Variants in COL18A1 observed in about 807,000 individuals in gnomAD.
COL18A1 encodes the protein collagen alpha-1(XVIII) chain.
A neutral mutation model predicts 168.0 loss-of-function variants in COL18A1; 133 were observed. That is an observed-to-expected ratio of 0.79 (90% CI 0.69 to 0.91). The LOEUF is 0.91. Among genes scored for constraint, COL18A1 ranks in the 40% least tolerant of loss-of-function variants. COL18A1 has a pLI of 0.00. For missense variants in COL18A1, 2,126 were observed against 1,925.4 expected (o/e 1.10, Z -1.95); for synonymous variants, 949 against 809.0 (o/e 1.17, Z -2.94).
chr21:45,453,436 T>C lies in COL18A1; in HGVS notation c.107-14806T>C, dbSNP rs187440219. On this transcript the variant is annotated intron_variant, in intron 2 of 41. Coordinates refer to ENST00000651438, the MANE Select transcript of COL18A1 (RefSeq NM_001379500.1). The stretch of plus-strand genomic sequence containing the variant: ...GTGTGAGCATGTGCGTACACATGCG[T>C]GCGTTTGAGTGATGATGTGAGGAGG... Among the ~76,000 whole-genome samples, 57 of 152,278 alleles carry C rather than the reference T, an allele frequency of 3.7e-4. No individual in the cohort carries two copies. In the East Asian group the frequency reaches 9.5e-3, roughly 25 times the overall value.
rs764315351 is a variant in COL18A1, at chr21:45,504,007, G to A, written c.2684-4G>A. On this transcript the variant is annotated splice_polypyrimidine_tract_variant and splice_region_variant and intron_variant, in intron 32 of 41. Coordinates refer to ENST00000651438, the MANE Select transcript of COL18A1 (RefSeq NM_001379500.1). ...GCGAGACCCCGCCTGTCTCTCTCTTGCAGGGCAGTTTCCGTTTGACTTTCT... is the reference window on the plus strand; with the variant it reads ...GCGAGACCCCGCCTGTCTCTCTCTTACAGGGCAGTTTCCGTTTGACTTTCT... 1 of 1,613,646 alleles carries A rather than the reference G, an allele frequency of 6.2e-7. No homozygotes were observed. The highest frequency in any genetic ancestry group is 8.5e-7 in the Non-Finnish European group (1 of 1,179,962).
chr21:45,449,984 C>T (rs1400913906), intron 2 of COL18A1, among the ~76,000 whole-genome samples: 4 of 152,222 alleles, frequency 2.6e-5, no homozygotes, highest in East Asian at 3.8e-4. Context: ...AAACTAGTTG[C>T]GCCACAGAAA....
intron 2 of COL18A1, among the ~76,000 whole-genome samples, chr21:45,466,159 G>A (rs73909575): frequency 1.3e-5 from 2 of 152,234 alleles, no homozygotes; most frequent in African/African-American, 4.8e-5. Context: ...GGACGTCCCC[G>A]GTCCCCTAAG....
At chr21:45,480,430 G>C in intron 11 of COL18A1, 37 bp from the exon 12 acceptor site, 1 of 1,613,966 alleles carries the variant, frequency 6.2e-7, no homozygotes, top group Non-Finnish European at 8.5e-7. Flanking sequence ...GGGGGGCCGA[G>C]CTCAGGGCAA....
At position 45,477,434 on chromosome 21, in the gene COL18A1, T is replaced by C. The variant is rs752376999; in HGVS notation, c.952T>C (p.Ser318Pro). The change falls in exon 7 of 42, where the codon TCT (serine) becomes CCT (proline). Residue 318 changes from serine to proline, a missense_variant. Physicochemically the swap from Ser to Pro is moderately conservative, Grantham distance 74 (BLOSUM62 -1). Transcript: ENST00000651438. ...LGAQTLPGSD[S>P]VSTWDGSVRT... ...AGCTCAGACACTTCCTGGCTCAGAT[T>C]CTGTCTCCACGTGGGACGGGAGTGT... 1 of 1,613,264 alleles carries C rather than the reference T, an allele frequency of 6.2e-7. No homozygotes were observed. The highest frequency in any genetic ancestry group is 8.5e-7 in the Non-Finnish European group (1 of 1,179,716).
intron 40 of COL18A1, 143 bp from the exon 41 acceptor site, chr21:45,510,968 C>A: frequency 7.7e-5 from 1 of 12,970 alleles, no homozygotes; most frequent in South Asian, 6.3e-4. Context: ...CACATACACC[C>A]CCAAACACCC....
At chr21:45,467,075 C>T (rs1182972553) in intron 2 of COL18A1, among the ~76,000 whole-genome samples, 6 of 152,256 alleles carry the variant, frequency 3.9e-5, no homozygotes, top group Non-Finnish European at 8.8e-5. Context: ...AGGCTCAGCC[C>T]GTTGGGACCC....
chr21:45,497,514 A>G, intron 31 of COL18A1, 85 bp from the exon 32 acceptor site: 1 of 1,509,592 alleles, frequency 6.6e-7, no homozygotes, highest in Middle Eastern at 1.8e-4. Context: ...GCCCCCAGGC[A>G]CTAGGGCATT....
At position 45,457,281 on chromosome 21, in the gene COL18A1, G is replaced by T. The variant is rs115434810; in HGVS notation, c.107-10961G>T. Among the ~76,000 whole-genome samples the T allele has an allele frequency of 0.011, 1,603 of 152,336 alleles. 26 individuals are homozygous for T. Among genetic ancestry groups the T allele is most frequent in the African/African-American group, 0.037 (1,528 of 41,582 alleles). On this transcript the variant is annotated intron_variant, in intron 2 of 41. Coordinates refer to ENST00000651438, the MANE Select transcript of COL18A1 (RefSeq NM_001379500.1). The surrounding 1 kb of genome is among the most constrained non-coding windows in gnomAD (Gnocchi z 4.6). The stretch of plus-strand genomic sequence containing the variant: ...GCTCAGGTGTGGCTGCATCGACCTT[G>T]CTCCGGTCACTAAGCTGCACGGTTC...
chr21:45,461,996 C>G (rs1286468516), intron 2 of COL18A1, among the ~76,000 whole-genome samples: 1 of 152,132 alleles, frequency 6.6e-6, no homozygotes, highest in African/African-American at 2.4e-5. Flanking sequence ...CTGGGAATGC[C>G]AATTTCTCCC....
At position 45,473,981 on chromosome 21, in the gene COL18A1, G is replaced by T; in HGVS notation, c.738G>T (p.Gly246=). 6.3e-7 allele frequency: 1 copy of T among 1,588,522 alleles called. No individual in the cohort carries two copies. Among genetic ancestry groups the T allele is most frequent in the East Asian group, 2.3e-5 (1 of 43,350 alleles). The change falls in exon 4 of 42, where the codon GGG becomes GGT. Residue 246 remains glycine (G), a splice_region_variant and synonymous_variant. Coordinates refer to ENST00000651438, the MANE Select transcript of COL18A1 (RefSeq NM_001379500.1). This position sits in a 1 kb window ranked among gnomAD's most constrained non-coding sequence, Gnocchi z 4.0. Reference sequence around the variant, plus strand: ...ACGAGGAAGGCGATGACTCAGATGGGGTGAGTGACATCTGGGGCACGGGTG... The same window carrying T: ...ACGAGGAAGGCGATGACTCAGATGGTGTGAGTGACATCTGGGGCACGGGTG... ...CLDEEGDDSD[G]ASGDSGSGLG... is the part of the protein sequence containing the mutation.
At chr21:45,487,092 G>A in intron 16 of COL18A1, 100 bp downstream of exon 16, 1 of 1,215,008 alleles carries the variant, frequency 8.2e-7, no homozygotes, top group Non-Finnish European at 1.1e-6. Context: ...CACGTCCTGG[G>A]CGGTGGCCTT....
At chr21:45,406,096 A>G (rs1430421738) in intron 2 of COL18A1, among the ~76,000 whole-genome samples, 1 of 152,036 alleles carries the variant, frequency 6.6e-6, no homozygotes, top group East Asian at 1.9e-4. Flanking sequence ...GTGCGCGGCA[A>G]ACGGTGCGCG....
intron 10 of COL18A1, 52 bp from the exon 11 acceptor site, chr21:45,480,018 G>A: frequency 6.2e-7 from 1 of 1,613,362 alleles, no homozygotes; most frequent in East Asian, 2.2e-5. Context: ...TTGGCTCAAG[G>A]TGGGGGCTGT....
chr21:45,491,430 C>G, intron 22 of COL18A1, 116 bp downstream of exon 22: 1 of 642,324 alleles, frequency 1.6e-6, no homozygotes. Context: ...CAGGCCCTGA[C>G]TGCCAGTCTA....
intron 2 of COL18A1, among the ~76,000 whole-genome samples, chr21:45,437,118 C>CTCACAG (rs2034130133): frequency 9.9e-6 from 1 of 101,496 alleles, no homozygotes; most frequent in Non-Finnish European, 1.9e-5. Context: ...CACACTCACA[C>CTCACAG]ACAGACACAC....
intron 2 of COL18A1, among the ~76,000 whole-genome samples, chr21:45,422,851 G>A (rs1469916991): frequency 3.3e-5 from 5 of 151,830 alleles, no homozygotes; most frequent in African/African-American, 1.2e-4. Flanking sequence ...GCAATGGCAT[G>A]ATCTCTGGTC....
At chr21:45,455,672 C>T in intron 2 of COL18A1, 1 of 1,613,744 alleles carries the variant, frequency 6.2e-7, no homozygotes, top group South Asian at 1.1e-5. Context: ...GATCCCTGAG[C>T]CCCAGGGGCC....
At chr21:45,508,951 G>A (rs973335689) in intron 38 of COL18A1, among the ~76,000 whole-genome samples, 1 of 152,276 alleles carries the variant, frequency 6.6e-6, no homozygotes, top group African/African-American at 2.4e-5. Flanking sequence ...CAGGCCTGGG[G>A]GCTGGGATTT....
Sources: allele counts gnomAD v4.1 joint callset (sites outside exome capture counted in the v4.1 genomes callset), GRCh38; gene constraint gnomAD v4.1.1; non-coding constraint Gnocchi (gnomAD v3.1); transcripts MANE v1.5; gene names NCBI Gene and HGNC (gene_info 2026-07-23, HGNC 2026-07-21).